Variants in ARHGAP10 observed in about 807,000 individuals in gnomAD.
The protein encoded by ARHGAP10 is Rho GTPase activating protein 10, also known as rho GTPase-activating protein 10.
ARHGAP10 carries 87 observed loss-of-function variants against 108.6 expected under a neutral mutation model. The ratio of observed to expected loss-of-function variants is 0.80; its 90% CI spans 0.67 to 0.96. ARHGAP10 has a LOEUF of 0.96. Ranked by LOEUF, ARHGAP10 falls within the 40% of genes least tolerant of loss-of-function variation. The pLI, the probability that ARHGAP10 is intolerant of heterozygous loss-of-function variation, is 0.00. For synonymous variants in ARHGAP10, 347 were observed against 341.1 expected, an observed-to-expected ratio of 1.02 and a Z score of -0.19; for missense variants, 939 against 954.5, an observed-to-expected ratio of 0.98 and a Z score of 0.21.
At chr4:147,771,071 G>T (rs1347558078) in intron 1 of ARHGAP10, among the ~76,000 whole-genome samples, 2 of 152,118 alleles carry the variant, frequency 1.3e-5, no homozygotes, top group Non-Finnish European at 2.9e-5. Context: ...CCTCCTTAAA[G>T]ACCCTATGTT....
chr4:147,881,363 C>T (rs1248661665), intron 9 of ARHGAP10, among the ~76,000 whole-genome samples: 16 of 145,802 alleles, frequency 1.1e-4, no homozygotes, highest in Admixed American at 9.6e-4. Context: ...AATGGCTGGG[C>T]GCGGTGGCTC....
intron 9 of ARHGAP10, among the ~76,000 whole-genome samples, chr4:147,879,615 T>C (rs1369216473): frequency 6.6e-6 from 1 of 152,082 alleles, no homozygotes; most frequent in East Asian, 1.9e-4. Context: ...TACATAGGTA[T>C]GCATGTGTCA....
intron 3 of ARHGAP10, among the ~76,000 whole-genome samples, chr4:147,837,228 G>A (rs1332062435): frequency 6.6e-6 from 1 of 152,108 alleles, no homozygotes; most frequent in Non-Finnish European, 1.5e-5. Context: ...TGGAGGGAGA[G>A]TGATGTAATT....
chr4:148,061,707 T>A (rs959005480), intron 20 of ARHGAP10, among the ~76,000 whole-genome samples: 1 of 152,098 alleles, frequency 6.6e-6, no homozygotes, highest in African/African-American at 2.4e-5. Context: ...ATGCACCAGA[T>A]TTGTAAAATC....
intron 4 of ARHGAP10, among the ~76,000 whole-genome samples, chr4:147,851,307 A>T (rs10022963): frequency 0.92 from 140,009 of 151,978 alleles, 65,038 homozygotes; most frequent in Non-Finnish European, 0.99. Context: ...CAGGCTGGGC[A>T]GCAGCCTTGA....
intron 1 of ARHGAP10, among the ~76,000 whole-genome samples, chr4:147,740,955 C>T (rs893641183): frequency 5.3e-5 from 8 of 152,132 alleles, no homozygotes; most frequent in Non-Finnish European, 1.5e-5. Flanking sequence ...CAGTTGGGCA[C>T]ATCCATAAAC....
intron 1 of ARHGAP10, among the ~76,000 whole-genome samples, chr4:147,820,937 A>G (rs1226180328): frequency 6.6e-6 from 1 of 152,038 alleles, no homozygotes; most frequent in Non-Finnish European, 1.5e-5. Context: ...TTTCTTTATC[A>G]GTTATCTTTT....
intron 18 of ARHGAP10, among the ~76,000 whole-genome samples, chr4:148,018,481 C>T (rs1170538128): frequency 6.6e-6 from 1 of 151,636 alleles, no homozygotes; most frequent in Non-Finnish European, 1.5e-5. Context: ...AACAGTTTTA[C>T]TATTTCCTCT....
intron 1 of ARHGAP10, among the ~76,000 whole-genome samples, chr4:147,741,996 G>C (rs1471088389): frequency 6.6e-6 from 1 of 151,898 alleles, no homozygotes; most frequent in African/African-American, 2.4e-5. Context: ...ATATTTCAAC[G>C]GTGAGTGTGA....
At chr4:147,779,670 A>G (rs1579033667) in intron 1 of ARHGAP10, among the ~76,000 whole-genome samples, 3 of 152,318 alleles carry the variant, frequency 2.0e-5, no homozygotes, top group South Asian at 4.1e-4. Flanking sequence ...AGGGGAAGTC[A>G]GAGCAAGAGC....
chr4:148,072,072 G>A lies in ARHGAP10; in HGVS notation c.2352G>A (p.Lys784=). Residue 784 remains lysine (K), a synonymous_variant, in exon 23 of 23, where the codon AAG becomes AAA. Transcript: ENST00000336498. ...KRGLIPQNYV[K]LL is the part of the protein sequence containing the mutation. ...GGCTGATTCCACAGAACTACGTCAA[G>A]CTGCTGTAGCTCCTGGCCTCAGAGC... The A allele has an allele frequency of 6.2e-7, 1 of 1,612,542 alleles. No individual in the cohort carries two copies. Among genetic ancestry groups the A allele is most frequent in the Admixed American group, 1.7e-5 (1 of 59,878 alleles).
At chr4:147,880,613 C>T (rs557853167) in intron 9 of ARHGAP10, among the ~76,000 whole-genome samples, 2 of 152,272 alleles carry the variant, frequency 1.3e-5, no homozygotes, top group South Asian at 4.1e-4. Flanking sequence ...GAGATCTTCA[C>T]GTTCTGGAAA....
At chr4:147,860,115 C>G (rs1281349437) in intron 5 of ARHGAP10, among the ~76,000 whole-genome samples, 1 of 152,172 alleles carries the variant, frequency 6.6e-6, no homozygotes, top group African/African-American at 2.4e-5. Flanking sequence ...TAGAAACGTA[C>G]ATAATTCATT....
rs544594189 is a variant in ARHGAP10 at position 148,000,335 on chromosome 4, A to T, written c.1717-22928A>T. Among the ~76,000 whole-genome samples the T allele has an allele frequency of 7.2e-5, 11 of 152,328 alleles. 1 individual carries two copies. Among genetic ancestry groups the T allele is most frequent in the African/African-American group, 2.6e-4 (11 of 41,572 alleles). On this transcript the variant is annotated intron_variant, in intron 18 of 22. Coordinates refer to ENST00000336498, the MANE Select transcript of ARHGAP10 (RefSeq NM_024605.4). ...TTAATCCAGTCTATCATTGATGGACATTGGGGTTGGTTCCAAGTCTTTGCT... is the reference window on the plus strand; with the variant it reads ...TTAATCCAGTCTATCATTGATGGACTTTGGGGTTGGTTCCAAGTCTTTGCT...
At chr4:147,805,032 T>C (rs1041084542) in intron 1 of ARHGAP10, among the ~76,000 whole-genome samples, 7 of 152,212 alleles carry the variant, frequency 4.6e-5, no homozygotes, top group African/African-American at 1.4e-4. Context: ...GGCATCTTCA[T>C]CATGAAATCT....
chr4:148,033,130 GTTTTTT>G, intron 19 of ARHGAP10, among the ~76,000 whole-genome samples: 1 of 151,830 alleles, frequency 6.6e-6, no homozygotes, highest in Admixed American at 6.6e-5. Context: ...TACCTTTTTT[GTTTTTT>G]TCAAATTTTA....
Position 147,749,306 on chromosome 4 carries a change from C to T in ARHGAP10, c.154+16851C>T, listed in dbSNP as rs933427206. On this transcript the variant is annotated intron_variant, in intron 1 of 22. Transcript: ENST00000336498. ...AGAGGAAAAAATTTAGATTAAAATA[C>T]TTAATATTTATAACACCTTAGCTTG... is the stretch of plus-strand genomic sequence containing the variant. Among the ~76,000 whole-genome samples the T allele has an allele frequency of 4.6e-5, 7 of 152,258 alleles. No homozygotes were observed. In the South Asian group the frequency reaches 1.2e-3, roughly 27 times the overall value.
In ARHGAP10 at chr4:147,912,039, GTA is replaced by G. The variant is rs1434697347; in HGVS notation, c.1163-1032_1163-1031del. ...TGTGTGTGTGTGTGTGTGTGTGTGT[GTA>G]TAGTTTTCTTTAACTGAGCTGCTGT... is the stretch of plus-strand genomic sequence containing the variant. On this transcript the variant is annotated intron_variant, in intron 12 of 22. Coordinates refer to ENST00000336498, the MANE Select transcript of ARHGAP10 (RefSeq NM_024605.4). Among the ~76,000 whole-genome samples the G allele has an allele frequency of 5.3e-4, 65 of 121,818 alleles. No homozygotes were observed. In the South Asian group the frequency reaches 9.1e-3, roughly 17 times the overall value. The allele number at this position is 121,818 out of a possible 152,430, so 79.9% of individuals were successfully genotyped here. A position where few individuals can be genotyped will look rare whatever the true frequency, so the allele number is the denominator to read the frequency against.
At chr4:147,768,494 C>A (rs1560747821) in intron 1 of ARHGAP10, among the ~76,000 whole-genome samples, 1 of 151,168 alleles carries the variant, frequency 6.6e-6, no homozygotes, top group Admixed American at 6.6e-5. Flanking sequence ...ACAGTGGTCT[C>A]CCTAATTAAA....
Sources: allele counts gnomAD v4.1 joint callset (sites outside exome capture counted in the v4.1 genomes callset), GRCh38; gene constraint gnomAD v4.1.1; transcripts MANE v1.5; gene names NCBI Gene and HGNC (gene_info 2026-07-23, HGNC 2026-07-21).